NRIP1: variants seen among roughly 807,000 people sequenced by gnomAD.
NRIP1 encodes nuclear receptor-interacting protein 1.
A neutral mutation model predicts 75.0 loss-of-function variants in NRIP1; 28 were observed. The observed-to-expected ratio is 0.37, with a 90% CI of 0.28 to 0.51. The LOEUF (loss-of-function observed/expected upper bound fraction) is 0.51. NRIP1 is among the 20% of genes least tolerant of loss of function. The pLI is 0.92. For synonymous variants in NRIP1, 526 were observed against 487.6 expected (o/e 1.08, Z -1.04); for missense variants, 1,435 against 1,343.7 (o/e 1.07, Z -1.06).
intron 1 of NRIP1, among the ~76,000 whole-genome samples, chr21:15,046,684 A>T (rs1404193430): frequency 6.6e-6 from 1 of 152,236 alleles, no homozygotes; most frequent in Non-Finnish European, 1.5e-5. Context: ...TAGATGGCAT[A>T]TTCATCCAAC....
chr21:14,986,500 G>A (rs1316466878), intron 3 of NRIP1, among the ~76,000 whole-genome samples: 3 of 152,064 alleles, frequency 2.0e-5, no homozygotes, highest in African/African-American at 7.2e-5. Context: ...ATCCACTCTC[G>A]CCTTATGGCA....
At chr21:15,059,726 T>C (rs180877784) in intron 1 of NRIP1, among the ~76,000 whole-genome samples, 149 of 152,312 alleles carry the variant, frequency 9.8e-4, no homozygotes, top group African/African-American at 3.5e-3. Flanking sequence ...CTTAAAACTG[T>C]GTATAGCTTT....
chr21:15,050,358 T>C, intron 1 of NRIP1: 1 of 218,486 alleles, frequency 4.6e-6, no homozygotes, highest in Non-Finnish European at 9.3e-6. Flanking sequence ...TCTCTGCCTA[T>C]CCCAAAAGAA....
intron 3 of NRIP1, among the ~76,000 whole-genome samples, chr21:15,010,061 T>A (rs1044531969): frequency 6.6e-6 from 1 of 152,180 alleles, no homozygotes; most frequent in African/African-American, 2.4e-5. Context: ...ATGAACATTT[T>A]TTTAAATAAA....
At chr21:15,020,527 T>C (rs2088348233) in intron 2 of NRIP1, among the ~76,000 whole-genome samples, 1 of 152,138 alleles carries the variant, frequency 6.6e-6, no homozygotes. Context: ...GACCTTAAGT[T>C]ACAGAAATAT....
At chr21:15,021,062 A>C (rs1388053496) in intron 2 of NRIP1, among the ~76,000 whole-genome samples, 2 of 152,166 alleles carry the variant, frequency 1.3e-5, no homozygotes, top group Non-Finnish European at 2.9e-5. Flanking sequence ...TGTACACTGG[A>C]GTACCTAAGA....
At chr21:14,982,343 A>G (rs1207296720) in intron 3 of NRIP1, among the ~76,000 whole-genome samples, 1 of 152,180 alleles carries the variant, frequency 6.6e-6, no homozygotes, top group Non-Finnish European at 1.5e-5. Context: ...ACAGGGCAGT[A>G]AGAAGAATAA....
chr21:15,004,633 T>C (rs2087922863), intron 3 of NRIP1, among the ~76,000 whole-genome samples: 1 of 152,254 alleles, frequency 6.6e-6, no homozygotes, highest in South Asian at 2.1e-4. Context: ...TTCATGGACA[T>C]GGTTTCATTG....
chr21:15,024,537 T>C (rs2088466315), intron 2 of NRIP1, among the ~76,000 whole-genome samples: 1 of 151,144 alleles, frequency 6.6e-6, no homozygotes, highest in African/African-American at 2.4e-5. Flanking sequence ...CTGTCTCATA[T>C]ACACACACAC....
intron 1 of NRIP1, among the ~76,000 whole-genome samples, chr21:15,046,234 T>C (rs1431871682): frequency 6.6e-6 from 1 of 152,228 alleles, no homozygotes; most frequent in African/African-American, 2.4e-5. Flanking sequence ...ATTTCTTCAA[T>C]AGTAAGACTT....
intron 1 of NRIP1, among the ~76,000 whole-genome samples, chr21:15,059,590 C>T (rs189330204): frequency 2.5e-4 from 38 of 152,046 alleles, no homozygotes; most frequent in African/African-American, 8.2e-4. Context: ...TCACAATCAC[C>T]TTTCTAGCCA....
chr21:15,039,961 T>C (rs971085375), intron 2 of NRIP1, among the ~76,000 whole-genome samples: 3 of 152,130 alleles, frequency 2.0e-5, no homozygotes, highest in African/African-American at 7.2e-5. Context: ...TACTGAAAGA[T>C]GGTACTTCAG....
chr21:14,967,811 G>A lies in NRIP1; in HGVS notation c.382C>T (p.Gln128Ter). 2 of 1,613,994 alleles carry A rather than the reference G, an allele frequency of 1.2e-6. No homozygotes were observed. The highest frequency in any genetic ancestry group is 1.7e-6 in the Non-Finnish European group (2 of 1,180,012). ...AAAGAGGCCAGTAATGTGCTATCCT[G>A]TTTGCCTTTAGGCACACTGTCAACC... ...GMVDSVPKGKQDSTLLASLLQ... is the reference protein window; with the variant it reads ...GMVDSVPKGK The change falls in exon 4 of 4, where the codon CAG (glutamine) becomes TAG (stop). Residue 128 changes from glutamine to a stop codon, truncating the protein, a stop_gained. Transcript: ENST00000318948. LOFTEE classifies it high-confidence loss of function.
At chr21:15,043,224 G>T (rs2088996986) in intron 2 of NRIP1, among the ~76,000 whole-genome samples, 1 of 152,268 alleles carries the variant, frequency 6.6e-6, no homozygotes, top group Admixed American at 6.5e-5. Context: ...CTTTAAAATA[G>T]TTCTATAGTA....
At chr21:15,028,111 T>C (rs1369323607) in intron 2 of NRIP1, among the ~76,000 whole-genome samples, 1 of 152,206 alleles carries the variant, frequency 6.6e-6, no homozygotes, top group Non-Finnish European at 1.5e-5. Flanking sequence ...CTTGAGTATC[T>C]AGCATGTGAA....
chr21:14,997,226 A>T (rs2087752213), intron 3 of NRIP1, among the ~76,000 whole-genome samples: 2 of 152,208 alleles, frequency 1.3e-5, no homozygotes, highest in Non-Finnish European at 2.9e-5. Context: ...TTTAGTTAAG[A>T]TTTAAACAAA....
At chr21:14,996,095 T>A (rs947540603) in intron 3 of NRIP1, among the ~76,000 whole-genome samples, 3 of 152,190 alleles carry the variant, frequency 2.0e-5, no homozygotes, top group Admixed American at 2.0e-4. Flanking sequence ...AGCCACACTT[T>A]TTCAAAGTTG....
At position 14,966,172 on chromosome 21, in the gene NRIP1, A is replaced by C. The variant is rs371881149; in HGVS notation, c.2021T>G (p.Leu674Arg). ...GMIDRLNSPL[L>R]SNKTNAVEEN... ...TTCAACTGCATTTGTTTTATTTGAG[A>C]GCAAAGGGCTATTTAATCTATCAAT... The change falls in exon 4 of 4, where the codon CTC (leucine) becomes CGC (arginine). Residue 674 changes from leucine (L) to arginine (R), a missense_variant. Physicochemically the swap from Leu to Arg is moderately radical, Grantham distance 102. Coordinates refer to ENST00000318948, the MANE Select transcript of NRIP1 (RefSeq NM_003489.4). 1.2e-6 allele frequency: 2 copies of C among 1,613,466 alleles called. No homozygotes were observed. The highest frequency in any genetic ancestry group is 1.7e-6 in the Non-Finnish European group (2 of 1,179,916).
chr21:15,052,901 C>T (rs187093035), intron 1 of NRIP1, among the ~76,000 whole-genome samples: 73 of 152,126 alleles, frequency 4.8e-4, no homozygotes, highest in African/African-American at 1.5e-3. Flanking sequence ...GACACATAAA[C>T]AACTTAAAGA....
Sources: allele counts gnomAD v4.1 joint callset (sites outside exome capture counted in the v4.1 genomes callset), GRCh38; gene constraint gnomAD v4.1.1; transcripts MANE v1.5; gene names NCBI Gene and HGNC (gene_info 2026-07-23, HGNC 2026-07-21).